Variants in DIAPH3 observed in about 807,000 individuals in gnomAD.
The protein encoded by DIAPH3 is diaphanous related formin 3.
DIAPH3 carries 117 observed loss-of-function variants against 144.3 expected under a neutral mutation model. The ratio of observed to expected loss-of-function variants is 0.81; its 90% CI spans 0.70 to 0.95. The LOEUF is 0.95. Ranked by LOEUF, DIAPH3 falls within the 40% of genes least tolerant of loss-of-function variation. The pLI, the probability that DIAPH3 is intolerant of heterozygous loss-of-function variation, is 0.00. For missense variants in DIAPH3, 1,421 were observed against 1,412.7 expected (o/e 1.01, Z -0.09); for synonymous variants, 519 against 488.9 (o/e 1.06, Z -0.81).
intron 25 of DIAPH3, among the ~76,000 whole-genome samples, chr13:59,779,755 G>A (rs1445828006): frequency 6.6e-6 from 1 of 151,970 alleles, no homozygotes; most frequent in South Asian, 2.1e-4. Context: ...CAGGTTATCT[G>A]CCAGCCTAGG....
intron 14 of DIAPH3, 133 bp downstream of exon 14, chr13:59,980,662 G>T: frequency 2.6e-6 from 2 of 774,816 alleles, no homozygotes; most frequent in South Asian, 1.5e-5. Flanking sequence ...AGTCCTCCTT[G>T]GTGGAGGGCA....
chr13:59,853,268 C>T (rs1311624488), intron 22 of DIAPH3, among the ~76,000 whole-genome samples: 2 of 152,138 alleles, frequency 1.3e-5, no homozygotes, highest in South Asian at 2.1e-4. Context: ...TCACTTATTA[C>T]AGTTATTGCT....
chr13:59,765,419 C>T (rs1383442199), intron 27 of DIAPH3, among the ~76,000 whole-genome samples: 5 of 152,128 alleles, frequency 3.3e-5, no homozygotes, highest in Admixed American at 3.3e-4. Flanking sequence ...AATCTGGGCA[C>T]CTTCATACAC....
intron 1 of DIAPH3, among the ~76,000 whole-genome samples, chr13:60,154,555 C>T (rs1026177169): frequency 6.6e-6 from 1 of 152,144 alleles, no homozygotes; most frequent in Admixed American, 6.5e-5. Context: ...TAACTAGTAA[C>T]ATGAATGTTT....
Position 59,970,980 on chromosome 13 carries a change from G to C in DIAPH3, c.1831C>G (p.Pro611Ala), listed in dbSNP as rs1239702509. The change falls in exon 16 of 28, where the codon CCT becomes GCT. Residue 611 changes from proline (P) to alanine (A), a missense_variant. Coordinates refer to ENST00000400324, the MANE Select transcript of DIAPH3 (RefSeq NM_001042517.2). ...GMRMPFSGPV[P>A]PPPPLGFLGG... The stretch of plus-strand genomic sequence containing the variant: ...AGGAATCCCAGGGGAGGTGGTGGAG[G>C]CACAGGACCACTGAATGGCATCCGC... 6.2e-7 allele frequency: 1 copy of C among 1,613,750 alleles called. No individual in the cohort carries two copies. Among genetic ancestry groups the C allele is most frequent in the African/African-American group, 1.3e-5 (1 of 74,886 alleles).
At position 60,093,660 on chromosome 13, in the gene DIAPH3, C is replaced by T; in HGVS notation, c.463G>A (p.Val155Met). 2 of 1,612,294 alleles carry T rather than the reference C, an allele frequency of 1.2e-6. No individual in the cohort carries two copies. The highest frequency in any genetic ancestry group is 1.7e-6 in the Non-Finnish European group (2 of 1,179,220). ...EKDFSIKKEMVMQYINTASKT... is the reference protein window; with the variant it reads ...EKDFSIKKEMMMQYINTASKT... ...GAAGCAGTATTAATGTACTGCATCA[C>T]CATTTCTTTTTTGATACTGAAGTCC... Residue 155 changes from valine (V) to methionine (M), a missense_variant, in exon 4 of 28, where the codon GTG (valine) becomes ATG (methionine). Transcript: ENST00000400324.
intron 20 of DIAPH3, among the ~76,000 whole-genome samples, chr13:59,898,546 A>T (rs1057284473): frequency 6.6e-6 from 1 of 152,216 alleles, no homozygotes; most frequent in Non-Finnish European, 1.5e-5. Flanking sequence ...TTAGTTTTTC[A>T]TATTTAAAAT....
At chr13:59,902,743 T>C (rs1220914794) in intron 20 of DIAPH3, among the ~76,000 whole-genome samples, 2 of 152,158 alleles carry the variant, frequency 1.3e-5, no homozygotes, top group Non-Finnish European at 2.9e-5. Flanking sequence ...GCCACTGTAC[T>C]TCAGCCTGGG....
At chr13:59,684,367 GT>G (rs2033107062) in intron 27 of DIAPH3, among the ~76,000 whole-genome samples, 1 of 152,184 alleles carries the variant, frequency 6.6e-6, no homozygotes, top group African/African-American at 2.4e-5. Context: ...GTTGCAAACG[GT>G]ACATTTGTGA....
rs1479817513 is a variant in DIAPH3, at chr13:60,016,068, T to C, written c.701+3A>G. On this transcript the variant is annotated splice_donor_region_variant and intron_variant, in intron 6 of 27. Coordinates refer to ENST00000400324, the MANE Select transcript of DIAPH3 (RefSeq NM_001042517.2). Reference sequence around the variant, plus strand: ...CTTGAAAATAATTATTAGCAATACTTACATTTTTCCACTAATCAGTTTTTC... The same window carrying C: ...CTTGAAAATAATTATTAGCAATACTCACATTTTTCCACTAATCAGTTTTTC... 6.2e-7 allele frequency: 1 copy of C among 1,612,814 alleles called. No homozygotes were observed. The highest frequency in any genetic ancestry group is 2.2e-5 in the East Asian group (1 of 44,760).
At position 59,787,259 on chromosome 13, in the gene DIAPH3, T is replaced by C. The variant is rs2039082689; in HGVS notation, c.3164-12436A>G. 3.3e-5 allele frequency among the ~76,000 whole-genome samples: 5 copies of C among 152,238 alleles called. No individual in the cohort carries two copies. The South Asian group carries it at 1.0e-3, about 32-fold the overall frequency. On this transcript the variant is annotated intron_variant, in intron 25 of 27. Transcript: ENST00000400324. ...GTGGTAGCATTAGCCTATTTGGATC[T>C]CACCTTGTTATTTATACCAAAATAA...
intron 2 of DIAPH3, among the ~76,000 whole-genome samples, chr13:60,114,132 C>T (rs1393537412): frequency 6.6e-6 from 1 of 151,964 alleles, no homozygotes; most frequent in African/African-American, 2.4e-5. Context: ...CCTGAAGAAA[C>T]AGCCAGAAGT....
At chr13:59,821,988 G>A (rs535164057) in intron 24 of DIAPH3, among the ~76,000 whole-genome samples, 9 of 152,158 alleles carry the variant, frequency 5.9e-5, no homozygotes, top group East Asian at 1.9e-4. Flanking sequence ...TTGTAAAATC[G>A]GTCTCAGGTA....
intron 17 of DIAPH3, among the ~76,000 whole-genome samples, chr13:59,936,187 A>G (rs2048251364): frequency 6.6e-6 from 1 of 152,152 alleles, no homozygotes; most frequent in Admixed American, 6.6e-5. Flanking sequence ...AACTTAAAGT[A>G]CATACCTCAA....
intron 21 of DIAPH3, among the ~76,000 whole-genome samples, chr13:59,875,685 A>G (rs2044579360): frequency 6.6e-6 from 1 of 152,188 alleles, no homozygotes; most frequent in South Asian, 2.1e-4. Flanking sequence ...CATCACTTTG[A>G]CCACCAAAAA....
At position 59,828,725 on chromosome 13, in the gene DIAPH3, A is replaced by G. The variant is rs140927152; in HGVS notation, c.3027+4382T>C. ...GTAAGAAGTAACTTCAAACCATGACAGTTGTTTTGGTTTTGTTCTGTTGAT... is the reference window on the plus strand; with the variant it reads ...GTAAGAAGTAACTTCAAACCATGACGGTTGTTTTGGTTTTGTTCTGTTGAT... On this transcript the variant is annotated intron_variant, in intron 24 of 27. Transcript: ENST00000400324. 5.3e-3 allele frequency among the ~76,000 whole-genome samples: 810 copies of G among 151,902 alleles called. 4 individuals carry two copies. Among genetic ancestry groups the G allele is most frequent in the Middle Eastern group, 0.014 (4 of 294 alleles).
chr13:59,878,694 C>T (rs1280040766), intron 21 of DIAPH3, among the ~76,000 whole-genome samples: 1 of 152,066 alleles, frequency 6.6e-6, no homozygotes, highest in Non-Finnish European at 1.5e-5. Flanking sequence ...TTTTCATGTC[C>T]TCTAGAATTA....
chr13:59,785,444 G>C (rs544828186), intron 25 of DIAPH3, among the ~76,000 whole-genome samples: 1 of 152,214 alleles, frequency 6.6e-6, no homozygotes, highest in South Asian at 2.1e-4. Context: ...TCAGCTGTGT[G>C]CTCCTTAAAG....
At chr13:59,714,221 G>A (rs1044445724) in intron 27 of DIAPH3, among the ~76,000 whole-genome samples, 3 of 151,080 alleles carry the variant, frequency 2.0e-5, no homozygotes, top group Non-Finnish European at 4.4e-5. Flanking sequence ...TTAGCCGGGC[G>A]TAGTGGCGGG....
Sources: allele counts gnomAD v4.1 joint callset (sites outside exome capture counted in the v4.1 genomes callset), GRCh38; gene constraint gnomAD v4.1.1; transcripts MANE v1.5; gene names NCBI Gene and HGNC (gene_info 2026-07-23, HGNC 2026-07-21).